CCNDBP1: variants seen among roughly 807,000 people sequenced by gnomAD.
The protein encoded by CCNDBP1 is cyclin-D1-binding protein 1.
In CCNDBP1, 45 loss-of-function variants were observed where a neutral mutation model predicts 46.2. That is an observed-to-expected ratio of 0.97 (90% CI 0.77 to 1.25). The LOEUF (loss-of-function observed/expected upper bound fraction) is 1.25, where lower values mean the gene tolerates loss of function less well. Ranked by LOEUF, CCNDBP1 falls within the 50% of genes most tolerant of loss-of-function variation. The probability of loss-of-function intolerance (pLI) is 0.00; values close to 1 mark genes in which losing one functional copy is unlikely to be tolerated. For missense variants in CCNDBP1, 436 were observed against 442.1 expected, an observed-to-expected ratio of 0.99 and a Z score of 0.12; for synonymous variants, 154 against 163.6, an observed-to-expected ratio of 0.94 and a Z score of 0.45.
At chr15:43,189,856 T>G in intron 4 of CCNDBP1, 199 bp from the exon 5 acceptor site, 1 of 550,834 alleles carries the variant, frequency 1.8e-6, no homozygotes, top group South Asian at 2.6e-5. Context: ...AAATCTCTTT[T>G]GAAGAAAACA....
intron 3 of CCNDBP1, chr15:43,188,636 A>G (rs2041891099): frequency 6.6e-6 from 1 of 152,262 alleles, no homozygotes; most frequent in African/African-American, 2.4e-5. Flanking sequence ...AGTATCAGGA[A>G]TAAGTTTTTT....
intron 9 of CCNDBP1, chr15:43,193,386 T>C (rs540942974): frequency 1.6e-4 from 23 of 140,630 alleles, no homozygotes; most frequent in African/African-American, 5.7e-4. Context: ...AAAGAAAGTC[T>C]TAATTACACG....
intron 10 of CCNDBP1, 65 bp from the exon 11 acceptor site, chr15:43,194,662 T>G (rs1200055316): frequency 3.1e-6 from 4 of 1,304,172 alleles, no homozygotes; most frequent in African/African-American, 1.5e-5. Flanking sequence ...TGCTCCCTCC[T>G]GAGGATAGGT....
At position 43,191,500 on chromosome 15, in the gene CCNDBP1, C is replaced by T. The variant is rs1189264417; in HGVS notation, c.685C>T (p.Gln229Ter). 6.2e-7 allele frequency: 1 copy of T among 1,614,064 alleles called. No individual in the cohort carries two copies. The highest frequency in any genetic ancestry group is 1.7e-5 in the Admixed American group (1 of 60,008). ...EDDVLGFPSN[Q>*]DLYWSEDDQE... ...TGATGTGTTGGGGTTTCCCAGCAAT[C>T]AGGACTTGTATTGGTCAGAGGACGA... Residue 229 changes from glutamine to a stop codon, truncating the protein, a stop_gained, in exon 8 of 11, where the codon CAG becomes TAG. Coordinates refer to ENST00000300213, the MANE Select transcript of CCNDBP1 (RefSeq NM_012142.5). LOFTEE classifies it high-confidence loss of function.
Position 43,196,697 on chromosome 15 carries a change from G to C in CCNDBP1, c.*1856G>C, listed in dbSNP as rs1342936471. 1 of 156,784 alleles carries C rather than the reference G, an allele frequency of 6.4e-6. No homozygotes were observed. The highest frequency in any genetic ancestry group is 2.4e-5 in the African/African-American group (1 of 41,442). The allele number at this position is 156,784 out of a possible 1,614,324, so 9.7% of individuals were successfully genotyped here. ...GTTAGGTCCTTTCCCTTATCTGTAA[G>C]TTAATGAATGTATTAATGAGCAGTA... On this transcript the variant is annotated 3_prime_UTR_variant, in exon 11 of 11. Transcript: ENST00000300213.
chr15:43,190,104 T>G lies in CCNDBP1; in HGVS notation c.381T>G (p.Asp127Glu). 1 of 1,614,160 alleles carries G rather than the reference T, an allele frequency of 6.2e-7. No individual in the cohort carries two copies. Among genetic ancestry groups the G allele is most frequent in the South Asian group, 1.1e-5 (1 of 91,080 alleles). Residue 127 changes from aspartate (D) to glutamate (E), a missense_variant, in exon 5 of 11, where the codon GAT becomes GAG. Coordinates refer to ENST00000300213, the MANE Select transcript of CCNDBP1 (RefSeq NM_012142.5). Reference sequence around the variant, plus strand: ...GGGGCGCCACCCTGGACATCGTGGATGGCATGGCTCAGCTCATGGAAGTAC... The same window carrying G: ...GGGGCGCCACCCTGGACATCGTGGAGGGCATGGCTCAGCTCATGGAAGTAC... ...LVRGATLDIV[D>E]GMAQLMEVLS...
chr15:43,187,633 A>G lies in CCNDBP1; in HGVS notation c.249+1400A>G, dbSNP rs1433862057. Among the ~76,000 whole-genome samples, 8 of 152,306 alleles carry G rather than the reference A, an allele frequency of 5.3e-5. No homozygotes were observed. The East Asian group carries it at 1.3e-3, about 26-fold the overall frequency. On this transcript the variant is annotated intron_variant, in intron 3 of 10. Coordinates refer to ENST00000300213, the MANE Select transcript of CCNDBP1 (RefSeq NM_012142.5). ...TGTATGAGAGCACTTCAAAAGATTC[A>G]TGGAAAATACTTATTTCAAAAAGAG...
At position 43,191,522 on chromosome 15, in the gene CCNDBP1, A is replaced by G; in HGVS notation, c.707A>G (p.Asp236Gly). Residue 236 changes from aspartate (D) to glycine (G), a missense_variant, in exon 8 of 11, where the codon GAC becomes GGC. Asp to Gly is a moderately conservative substitution (Grantham distance 94). Coordinates refer to ENST00000300213, the MANE Select transcript of CCNDBP1 (RefSeq NM_012142.5). ...AATCAGGACTTGTATTGGTCAGAGG[A>G]CGATCAAGAGCTCATAATCCCATGC... ...PSNQDLYWSEDDQELIIPCLA... is the reference protein window; with the variant it reads ...PSNQDLYWSEGDQELIIPCLA... The G allele has an allele frequency of 6.2e-7, 1 of 1,614,118 alleles. No homozygotes were observed. Among genetic ancestry groups the G allele is most frequent in the Non-Finnish European group, 8.5e-7 (1 of 1,180,004 alleles).
intron 7 of CCNDBP1, 36 bp from the exon 8 acceptor site, chr15:43,191,359 T>A (rs2041949003): frequency 7.5e-7 from 1 of 1,331,178 alleles, no homozygotes; most frequent in Non-Finnish European, 9.8e-7. Flanking sequence ...TTTTTTTTTT[T>A]TTTTTTGCAT....
chr15:43,185,528 A>C lies in CCNDBP1; in HGVS notation c.30A>C (p.Ala10=), dbSNP rs770699234. MASATAPAA[A]VPTLASPLEQ... The stretch of plus-strand genomic sequence containing the variant: ...CGAGCGCAACTGCACCTGCAGCCGC[A>C]GTCCCCACCCTGGCTTCGCCTTTGG... Residue 10 remains alanine (A), a synonymous_variant, in exon 1 of 11, where the codon GCA becomes GCC. Coordinates refer to ENST00000300213, the MANE Select transcript of CCNDBP1 (RefSeq NM_012142.5). The C allele has an allele frequency of 6.3e-7, 1 of 1,596,954 alleles. No individual in the cohort carries two copies. Among genetic ancestry groups the C allele is most frequent in the Admixed American group, 1.7e-5 (1 of 58,292 alleles).
intron 8 of CCNDBP1, among the ~76,000 whole-genome samples, chr15:43,192,468 C>G (rs2041969344): frequency 6.6e-6 from 1 of 152,166 alleles, no homozygotes; most frequent in African/African-American, 2.4e-5. Context: ...AGTTATTAAA[C>G]TGATGGTTTC....
In CCNDBP1 at chr15:43,189,627, C is replaced by A. The variant is rs111861500; in HGVS notation, c.331+347C>A. On this transcript the variant is annotated intron_variant, in intron 4 of 10. Coordinates refer to ENST00000300213, the MANE Select transcript of CCNDBP1 (RefSeq NM_012142.5). ...TTACTTTCCTCCACCCATGTTATATCTCACCCTATTTCTGAACATCTGCAT... is the reference window on the plus strand; with the variant it reads ...TTACTTTCCTCCACCCATGTTATATATCACCCTATTTCTGAACATCTGCAT... The A allele has an allele frequency of 7.4e-3, 2,359 of 317,690 alleles. 45 individuals are homozygous for A. The highest frequency in any genetic ancestry group is 0.047 in the African/African-American group (2,179 of 46,604). 19.7% of individuals were successfully genotyped at this position (317,690 alleles called of 1,614,324 possible).
At chr15:43,192,903 A>C (rs895218057) in intron 9 of CCNDBP1, 100 bp downstream of exon 9, 36 of 1,072,044 alleles carry the variant, frequency 3.4e-5, no homozygotes, top group Non-Finnish European at 4.3e-6. Flanking sequence ...TTTATTAGTC[A>C]CATTTGGATG....
chr15:43,194,160 CT>C, intron 9 of CCNDBP1: 1 of 304,404 alleles, frequency 3.3e-6, no homozygotes, highest in South Asian at 3.2e-5. Context: ...TTTTTCTGTC[CT>C]TTTTTAAATT....
rs1596385268 is a variant in CCNDBP1, at chr15:43,185,606, G to C, written c.108G>C (p.Arg36=). ...EELRLLLPRV[R]VGEAQETTEE... ...TGCGGTTGCTCCTGCCTCGAGTGCG[G>C]GGTGAGCTGACGGAGTTAGAACGGG... is the stretch of plus-strand genomic sequence containing the variant. Residue 36 remains arginine (R), a splice_region_variant and synonymous_variant, in exon 1 of 11, where the codon CGG becomes CGC. Transcript: ENST00000300213. The C allele has an allele frequency of 6.4e-7, 1 of 1,557,276 alleles. No individual in the cohort carries two copies. The highest frequency in any genetic ancestry group is 1.2e-5 in the South Asian group (1 of 85,272).
At position 43,194,867 on chromosome 15, in the gene CCNDBP1, TC is replaced by T. The variant is rs1567266571; in HGVS notation, c.*30del. On this transcript the variant is annotated 3_prime_UTR_variant, in exon 11 of 11. Transcript: ENST00000300213. ...CTTTTCAGGCTCATTTGTACTCTCTTCCCCTCTCATCGTCATGGTCAGGCTC... is the reference window on the plus strand; with the variant it reads ...CTTTTCAGGCTCATTTGTACTCTCTTCCCTCTCATCGTCATGGTCAGGCTC... 1 of 1,379,208 alleles carries T rather than the reference TC, an allele frequency of 7.3e-7. No homozygotes were observed. The highest frequency in any genetic ancestry group is 2.3e-5 in the East Asian group (1 of 43,592). The allele number at this position is 1,379,208 out of a possible 1,614,324, so 85.4% of individuals were successfully genotyped here.
chr15:43,194,508 CTGCT>C, intron 10 of CCNDBP1, 47 bp downstream of exon 10: 2 of 1,475,736 alleles, frequency 1.4e-6, no homozygotes, highest in Non-Finnish European at 1.9e-6. Context: ...TAAAACGGAA[CTGCT>C]GTCCAGACGT....
In CCNDBP1 at chr15:43,185,801, C is replaced by A. The variant is rs977414272; in HGVS notation, c.110-19C>A. The A allele has an allele frequency of 5.0e-6, 8 of 1,609,174 alleles. No homozygotes were observed. Among genetic ancestry groups the A allele is most frequent in the Non-Finnish European group, 6.8e-6 (8 of 1,179,724 alleles). ...TTTCCATTCGCCACCGTTCGGCCCCCACACGCCACACCCACAAGTCGGCGA... is the reference window on the plus strand; with the variant it reads ...TTTCCATTCGCCACCGTTCGGCCCCAACACGCCACACCCACAAGTCGGCGA... On this transcript the variant is annotated intron_variant, in intron 1 of 10. Coordinates refer to ENST00000300213, the MANE Select transcript of CCNDBP1 (RefSeq NM_012142.5).
At chr15:43,191,898 A>G (rs193081869) in intron 8 of CCNDBP1, among the ~76,000 whole-genome samples, 1 of 152,300 alleles carries the variant, frequency 6.6e-6, no homozygotes, top group East Asian at 1.9e-4. Context: ...ATACTGTTTC[A>G]TATTTATTCC....
Sources: gnomAD v4.1 joint callset for allele counts (sites outside exome capture counted in the v4.1 genomes callset) on GRCh38, gnomAD v4.1.1 for gene constraint, MANE v1.5 for transcripts, NCBI Gene and HGNC (gene_info 2026-07-23, HGNC 2026-07-21) for gene names.